CNTN4: variants seen among roughly 807,000 people sequenced by gnomAD.
CNTN4 encodes the protein contactin 4, also known as contactin-4.
Under a neutral mutation model 122.5 loss-of-function variants are expected in CNTN4, and 77 were observed. That is an observed-to-expected ratio of 0.63 (90% CI 0.52 to 0.76). The LOEUF is 0.76. CNTN4 is among the 30% of genes least tolerant of loss of function. The pLI, the probability that CNTN4 is intolerant of heterozygous loss-of-function variation, is 0.00. For synonymous variants in CNTN4, 512 were observed against 447.0 expected (o/e 1.15, Z -1.83); for missense variants, 1,256 against 1,259.1 (o/e 1.00, Z 0.04).
At chr3:2,514,250 A>G (rs1251523048) in intron 3 of CNTN4, among the ~76,000 whole-genome samples, 1 of 152,148 alleles carries the variant, frequency 6.6e-6, no homozygotes, top group Non-Finnish European at 1.5e-5. Context: ...ACCTCTGCAC[A>G]CAAATCATAC....
chr3:2,907,725 T>C (rs2094253382), intron 12 of CNTN4, among the ~76,000 whole-genome samples: 1 of 152,146 alleles, frequency 6.6e-6, no homozygotes, highest in Admixed American at 6.5e-5. Flanking sequence ...GAATAAGAGA[T>C]GGTTAGGAAG....
intron 2 of CNTN4, among the ~76,000 whole-genome samples, chr3:2,317,117 A>G (rs1162207033): frequency 1.3e-5 from 2 of 152,198 alleles, no homozygotes; most frequent in Non-Finnish European, 2.9e-5. Flanking sequence ...TTTTGTTAGC[A>G]TAATTGTATG....
intron 2 of CNTN4, among the ~76,000 whole-genome samples, chr3:2,318,218 T>TAA (rs372313468): frequency 9.9e-4 from 112 of 112,664 alleles, no homozygotes; most frequent in Middle Eastern, 4.5e-3. Context: ...AACTTGTCCC[T>TAA]AAAAAAAAAA....
chr3:2,323,420 A>T (rs2043339513), intron 2 of CNTN4, among the ~76,000 whole-genome samples: 1 of 152,132 alleles, frequency 6.6e-6, no homozygotes, highest in African/African-American at 2.4e-5. Context: ...TCCGTCCCTT[A>T]AATTGTCATG....
At chr3:2,937,164 T>C (rs1369388599) in intron 13 of CNTN4, among the ~76,000 whole-genome samples, 1 of 152,244 alleles carries the variant, frequency 6.6e-6, no homozygotes, top group Admixed American at 6.5e-5. Context: ...TATTTGTTCT[T>C]TGTGACTTAC....
intron 9 of CNTN4, among the ~76,000 whole-genome samples, chr3:2,883,611 C>T (rs142810414): frequency 9.2e-5 from 14 of 152,274 alleles, no homozygotes; most frequent in East Asian, 1.9e-4. Flanking sequence ...TGGAAAAATA[C>T]GGACTTTCAT....
chr3:2,188,589 C>T (rs965439311), intron 2 of CNTN4, among the ~76,000 whole-genome samples: 5 of 152,074 alleles, frequency 3.3e-5, no homozygotes, highest in Admixed American at 6.6e-5. Flanking sequence ...AGAAACTGTA[C>T]CCATTTCTGG....
intron 3 of CNTN4, among the ~76,000 whole-genome samples, chr3:2,355,761 A>C (rs558553378): frequency 6.6e-6 from 1 of 152,170 alleles, no homozygotes; most frequent in African/African-American, 2.4e-5. Flanking sequence ...AGTGAGAAAA[A>C]TCTCCTGCTC....
At chr3:2,547,766 A>G (rs1207333738) in intron 3 of CNTN4, among the ~76,000 whole-genome samples, 2 of 152,176 alleles carry the variant, frequency 1.3e-5, no homozygotes, top group Non-Finnish European at 2.9e-5. Flanking sequence ...CTAGAGAACC[A>G]TGAAACAAAG....
intron 3 of CNTN4, among the ~76,000 whole-genome samples, chr3:2,375,894 C>T (rs557649606): frequency 6.6e-6 from 1 of 151,788 alleles, no homozygotes; most frequent in Non-Finnish European, 1.5e-5. Context: ...CCCTTTTATA[C>T]CAGCCTGACA....
chr3:2,234,427 A>G (rs542282304), intron 2 of CNTN4, among the ~76,000 whole-genome samples: 2 of 151,156 alleles, frequency 1.3e-5, no homozygotes, highest in Non-Finnish European at 3.0e-5. Flanking sequence ...AAGACTTACA[A>G]ACTTCATCAG....
At chr3:2,783,638 T>C (rs1401157702) in intron 6 of CNTN4, among the ~76,000 whole-genome samples, 2 of 152,228 alleles carry the variant, frequency 1.3e-5, no homozygotes, top group African/African-American at 4.8e-5. Context: ...TAATTGAAAC[T>C]AACAGTATTT....
intron 2 of CNTN4, among the ~76,000 whole-genome samples, chr3:2,170,257 T>G (rs559979693): frequency 2.6e-5 from 4 of 151,974 alleles, no homozygotes; most frequent in African/African-American, 9.7e-5. Context: ...GAGGCGGAGC[T>G]TGCAGTGAGC....
At chr3:2,352,529 C>T (rs2044673022) in intron 3 of CNTN4, among the ~76,000 whole-genome samples, 1 of 152,192 alleles carries the variant, frequency 6.6e-6, no homozygotes, top group Non-Finnish European at 1.5e-5. Context: ...AGAGGCTTAG[C>T]ACCTGGGCCA....
At chr3:2,737,597 G>T (rs1008331543) in intron 5 of CNTN4, among the ~76,000 whole-genome samples, 4 of 152,202 alleles carry the variant, frequency 2.6e-5, no homozygotes, top group African/African-American at 9.6e-5. Flanking sequence ...AGGAAAGTAA[G>T]AAATGTCAGA....
intron 3 of CNTN4, among the ~76,000 whole-genome samples, chr3:2,540,095 G>C (rs1575910457): frequency 6.7e-6 from 1 of 148,468 alleles, no homozygotes; most frequent in African/African-American, 2.5e-5. Context: ...GTGTGTGTGT[G>C]TATCAGCAAA....
At chr3:2,739,021 C>G (rs1458837323) in intron 5 of CNTN4, among the ~76,000 whole-genome samples, 1 of 151,960 alleles carries the variant, frequency 6.6e-6, no homozygotes, top group African/African-American at 2.4e-5. Flanking sequence ...CATATCCAGA[C>G]TATTTAAAGA....
intron 3 of CNTN4, among the ~76,000 whole-genome samples, chr3:2,407,985 A>G (rs2047100054): frequency 6.6e-6 from 1 of 152,172 alleles, no homozygotes; most frequent in Non-Finnish European, 1.5e-5. Context: ...AAGTTTATTT[A>G]TGAGCAGTAT....
At chr3:2,663,753 A>G (rs1321381466) in intron 4 of CNTN4, among the ~76,000 whole-genome samples, 1 of 152,350 alleles carries the variant, frequency 6.6e-6, no homozygotes, top group Non-Finnish European at 1.5e-5. Context: ...CCACATGTCC[A>G]TCAGCTGGTG....
Sources: gnomAD v4.1 joint callset for allele counts (sites outside exome capture counted in the v4.1 genomes callset) on GRCh38, gnomAD v4.1.1 for gene constraint, MANE v1.5 for transcripts, NCBI Gene and HGNC (gene_info 2026-07-23, HGNC 2026-07-21) for gene names.